Variants in ZNF354B observed in about 807,000 individuals in gnomAD.
ZNF354B encodes zinc finger protein 354B.
Under a neutral mutation model 12.9 loss-of-function variants are expected in ZNF354B, and 10 were observed. The ratio of observed to expected loss-of-function variants is 0.77; its 90% CI spans 0.48 to 1.31. The LOEUF (loss-of-function observed/expected upper bound fraction) is 1.31. ZNF354B is among the 40% of genes most tolerant of loss of function. ZNF354B has a pLI of 0.00. For synonymous variants in ZNF354B, 260 were observed against 243.7 expected (o/e 1.07, Z -0.62); for missense variants, 614 against 711.7 (o/e 0.86, Z 1.56).
chr5:178,864,029 T>C (rs1159610660), intron 2 of ZNF354B, among the ~76,000 whole-genome samples: 1 of 152,208 alleles, frequency 6.6e-6, no homozygotes, highest in African/African-American at 2.4e-5. Flanking sequence ...AAGTAAAAGT[T>C]ACAGTAAGCT....
intron 3 of ZNF354B, 84 bp from the exon 4 acceptor site, chr5:178,866,892 C>A: frequency 7.4e-7 from 1 of 1,346,552 alleles, no homozygotes; most frequent in Non-Finnish European, 1.0e-6. Context: ...GTAGAAAAGC[C>A]ACGGTTACCC....
chr5:178,864,624 A>ATT (rs755243826), intron 2 of ZNF354B, among the ~76,000 whole-genome samples: 6 of 146,052 alleles, frequency 4.1e-5, no homozygotes, highest in African/African-American at 7.5e-5. Context: ...GTATGTAGAA[A>ATT]TTTTTTTTTT....
chr5:178,877,655 C>T (rs1213532057), intron 4 of ZNF354B, among the ~76,000 whole-genome samples: 1 of 152,228 alleles, frequency 6.6e-6, no homozygotes, highest in East Asian at 1.9e-4. Context: ...GAACCCAGAT[C>T]CCCATTATTT....
chr5:178,863,029 G>C (rs1757385339), intron 2 of ZNF354B, among the ~76,000 whole-genome samples: 1 of 152,186 alleles, frequency 6.6e-6, no homozygotes, highest in South Asian at 2.1e-4. Context: ...CCTGGACCTT[G>C]TGTTCTTGTC....
rs755411524 is a variant in ZNF354B, at chr5:178,883,707, T to G, written c.1255T>G (p.Phe419Val). Residue 419 changes from phenylalanine to valine, a missense_variant, in exon 5 of 5, where the codon TTT becomes GTT. Physicochemically the swap from Phe to Val is conservative, Grantham distance 50. Coordinates refer to ENST00000322434, the MANE Select transcript of ZNF354B (RefSeq NM_058230.3). ...TAGATGCAATGAATGTGGGAAAGGCTTTACTTCTATTTCACGACTTAATAG... is the reference window on the plus strand; with the variant it reads ...TAGATGCAATGAATGTGGGAAAGGCGTTACTTCTATTTCACGACTTAATAG... ...PYRCNECGKGFTSISRLNRHR... is the reference protein window; with the variant it reads ...PYRCNECGKGVTSISRLNRHR... The G allele has an allele frequency of 2.5e-6, 4 of 1,614,118 alleles. No individual in the cohort carries two copies. The highest frequency in any genetic ancestry group is 3.4e-6 in the Non-Finnish European group (4 of 1,179,992).
chr5:178,863,131 C>T (rs757464182), intron 2 of ZNF354B, among the ~76,000 whole-genome samples: 1 of 152,134 alleles, frequency 6.6e-6, no homozygotes, highest in African/African-American at 2.4e-5. Flanking sequence ...GAACAAAGAT[C>T]ATGTCTTGTA....
chr5:178,866,305 C>T lies in ZNF354B; in HGVS notation c.95C>T (p.Ala32Val). 1 of 1,614,120 alleles carries T rather than the reference C, an allele frequency of 6.2e-7. No homozygotes were observed. The highest frequency in any genetic ancestry group is 1.1e-5 in the South Asian group (1 of 91,064). ...ACCTGGGATGAGTGGAGAAAGCTGGCTCCTTCTCAGAGAAACTTGTACCGG... is the reference window on the plus strand; with the variant it reads ...ACCTGGGATGAGTGGAGAAAGCTGGTTCCTTCTCAGAGAAACTTGTACCGG... ...LFTWDEWRKL[A>V]PSQRNLYRDV... The change falls in exon 3 of 5, where the codon GCT becomes GTT. Residue 32 changes from alanine (A) to valine (V), a missense_variant. Coordinates refer to ENST00000322434, the MANE Select transcript of ZNF354B (RefSeq NM_058230.3).
chr5:178,872,141 C>T (rs777500439), intron 4 of ZNF354B, among the ~76,000 whole-genome samples: 1 of 152,172 alleles, frequency 6.6e-6, no homozygotes, highest in African/African-American at 2.4e-5. Context: ...TGCCCCTGTT[C>T]CCTGCCTCTT....
chr5:178,870,412 G>C (rs1272053141), intron 4 of ZNF354B, among the ~76,000 whole-genome samples: 1 of 152,154 alleles, frequency 6.6e-6, no homozygotes, highest in Non-Finnish European at 1.5e-5. Flanking sequence ...CGGTAGCTGG[G>C]ATCACAGGCA....
intron 4 of ZNF354B, among the ~76,000 whole-genome samples, chr5:178,878,412 A>G (rs1455623281): frequency 6.6e-6 from 1 of 152,120 alleles, no homozygotes; most frequent in Non-Finnish European, 1.5e-5. Context: ...ACAGTTATGA[A>G]GTTAATTCTT....
intron 3 of ZNF354B, 91 bp downstream of exon 3, chr5:178,866,461 A>G: frequency 6.6e-7 from 1 of 1,519,182 alleles, no homozygotes; most frequent in Non-Finnish European, 8.8e-7. Flanking sequence ...TCACTGAAAA[A>G]TTTGAGCTCA....
At chr5:178,862,360 A>ATTT (rs1241340187) in intron 2 of ZNF354B, among the ~76,000 whole-genome samples, 1 of 116,250 alleles carries the variant, frequency 8.6e-6, no homozygotes, top group African/African-American at 3.7e-5. Flanking sequence ...GCGTGGCATT[A>ATTT]TCTTTTTTTT....
At chr5:178,875,262 G>C (rs1481947043) in intron 4 of ZNF354B, among the ~76,000 whole-genome samples, 4 of 152,218 alleles carry the variant, frequency 2.6e-5, no homozygotes, top group Admixed American at 1.3e-4. Flanking sequence ...AACAGGGGAA[G>C]GGACTCCGGT....
At chr5:178,870,177 T>C (rs1475029300) in intron 4 of ZNF354B, among the ~76,000 whole-genome samples, 1 of 152,118 alleles carries the variant, frequency 6.6e-6, no homozygotes. Flanking sequence ...AAAAATATTT[T>C]AGACAAAAAC....
At chr5:178,866,200 T>G in intron 2 of ZNF354B, 44 bp from the exon 3 acceptor site, 1 of 1,610,008 alleles carries the variant, frequency 6.2e-7, no homozygotes, top group South Asian at 1.1e-5. Context: ...CCCTCCACTC[T>G]GTGAGGGTGG....
intron 2 of ZNF354B, among the ~76,000 whole-genome samples, chr5:178,864,064 T>TA (rs1318642948): frequency 6.6e-5 from 10 of 151,448 alleles, no homozygotes; most frequent in Middle Eastern, 3.4e-3. Flanking sequence ...AAAGAAAACT[T>TA]TAAAAAAATA....
chr5:178,884,265 T>G lies in ZNF354B; in HGVS notation c.1813T>G (p.Ser605Ala), dbSNP rs1257765872. The G allele has an allele frequency of 6.3e-7, 1 of 1,596,120 alleles. No homozygotes were observed. The highest frequency in any genetic ancestry group is 1.8e-5 in the Admixed American group (1 of 57,086). ...NHYKIHIEED[S>A]LKADLHV ...TTATAAAATTCACATTGAAGAGGAC[T>G]CCTTAAAAGCCGATTTGCATGTGTG... Residue 605 changes from serine (S) to alanine (A), a missense_variant, in exon 5 of 5, where the codon TCC (serine) becomes GCC (alanine). Coordinates refer to ENST00000322434, the MANE Select transcript of ZNF354B (RefSeq NM_058230.3).
chr5:178,867,931 G>T (rs1212521918), intron 4 of ZNF354B, among the ~76,000 whole-genome samples: 1 of 152,164 alleles, frequency 6.6e-6, no homozygotes, highest in African/African-American at 2.4e-5. Flanking sequence ...GGTCACTTTG[G>T]GAGTATCGTG....
chr5:178,868,749 G>GATCACGAGGTCAGGAGAT (rs1163969437), intron 4 of ZNF354B, among the ~76,000 whole-genome samples: 1 of 152,116 alleles, frequency 6.6e-6, no homozygotes, highest in Non-Finnish European at 1.5e-5. Flanking sequence ...GAGGCGGGCA[G>GATCACGAGGTCAGGAGAT]ATCACGAGGT....
Sources: allele counts gnomAD v4.1 joint callset (sites outside exome capture counted in the v4.1 genomes callset), GRCh38; gene constraint gnomAD v4.1.1; transcripts MANE v1.5; gene names NCBI Gene and HGNC (gene_info 2026-07-23, HGNC 2026-07-21).